RDH8: variants seen among roughly 807,000 people sequenced by gnomAD.
The protein encoded by RDH8 is photoreceptor outer segment all-trans retinol dehydrogenase.
In RDH8, 14 loss-of-function variants were observed where a neutral mutation model predicts 22.3. That is an observed-to-expected ratio of 0.63 (90% CI 0.42 to 0.98). The LOEUF (loss-of-function observed/expected upper bound fraction) is 0.98. Among genes scored for constraint, RDH8 ranks in the 50% least tolerant of loss-of-function variants. RDH8 has a pLI of 0.00. For missense variants in RDH8, 389 were observed against 409.8 expected, an observed-to-expected ratio of 0.95 and a Z score of 0.44; for synonymous variants, 175 against 171.7, an observed-to-expected ratio of 1.02 and a Z score of -0.15.
intron 1 of RDH8, 59 bp from the exon 2 acceptor site, chr19:10,016,998 G>T: frequency 7.0e-7 from 1 of 1,425,256 alleles, no homozygotes; most frequent in Non-Finnish European, 9.3e-7. Context: ...GACACGTGGC[G>T]CCCACACCAA....
In RDH8 at chr19:10,013,511, C is replaced by A; in HGVS notation, c.14C>A (p.Pro5His). Residue 5 changes from proline to histidine, a missense_variant, in exon 1 of 6, where the codon CCC becomes CAC. By Grantham distance (77) the Pro-to-His change is moderately conservative. Transcript: ENST00000591589. Reference protein sequence around the residue: MAAAPRTVLISGCSS... With the variant: MAAAHRTVLISGCSS... ...GAGGGGATCAACATGGCCGCTGCAC[C>A]CCGGACTGTGTTGATCTCCGGCTGC... 1 of 1,613,434 alleles carries A rather than the reference C, an allele frequency of 6.2e-7. No individual in the cohort carries two copies. Among genetic ancestry groups the A allele is most frequent in the Non-Finnish European group, 8.5e-7 (1 of 1,180,020 alleles).
chr19:10,021,362 A>C lies in RDH8; in HGVS notation c.644A>C (p.Tyr215Ser). 6.2e-7 allele frequency: 1 copy of C among 1,613,846 alleles called. No individual in the cohort carries two copies. The highest frequency in any genetic ancestry group is 8.5e-7 in the Non-Finnish European group (1 of 1,179,936). Residue 215 changes from tyrosine (Y) to serine (S), a missense_variant, in exon 5 of 6, where the codon TAC becomes TCC. By Grantham distance (144) the Tyr-to-Ser change is moderately radical. Transcript: ENST00000591589. ...FPGTDPETLH[Y>S]FRDLYLPASR... ...GGCACTGACCCTGAGACCCTGCACT[A>C]CTTCCGGGACCTCTATCTCCCAGCC... is the stretch of plus-strand genomic sequence containing the variant.
chr19:10,020,911 C>A, intron 4 of RDH8, 109 bp downstream of exon 4: 2 of 806,926 alleles, frequency 2.5e-6, no homozygotes, highest in Non-Finnish European at 4.1e-6. Flanking sequence ...GTGGCTCACA[C>A]CTGTAAGTCC....
Position 10,015,421 on chromosome 19 carries a change from C to T in RDH8, c.104-1636C>T, listed in dbSNP as rs564823401. Among the ~76,000 whole-genome samples, 265 of 151,936 alleles carry T rather than the reference C, an allele frequency of 1.7e-3. 1 individual carries two copies. The highest frequency in any genetic ancestry group is 6.3e-3 in the African/African-American group (259 of 41,434). Reference sequence around the variant, plus strand: ...TGAGTCGAGATCATGCCACTGCACTCCAGCCTAAGCGACAGAGCATGACTC... The same window carrying T: ...TGAGTCGAGATCATGCCACTGCACTTCAGCCTAAGCGACAGAGCATGACTC... On this transcript the variant is annotated intron_variant, in intron 1 of 5. Transcript: ENST00000591589.
At chr19:10,016,892 C>T (rs79966075) in intron 1 of RDH8, among the ~76,000 whole-genome samples, 165 bp from the exon 2 acceptor site, 16,379 of 152,134 alleles carry the variant, frequency 0.11, 1,172 homozygotes, top group South Asian at 0.15. Flanking sequence ...CGTGGAGATG[C>T]GTGTACACAA....
Position 10,013,620 on chromosome 19 carries a change from A to T in RDH8, c.103+20A>T. 6.2e-7 allele frequency: 1 copy of T among 1,613,542 alleles called. No homozygotes were observed. Among genetic ancestry groups the T allele is most frequent in the Non-Finnish European group, 8.5e-7 (1 of 1,179,936 alleles). On this transcript the variant is annotated intron_variant, in intron 1 of 5. Coordinates refer to ENST00000591589, the MANE Select transcript of RDH8 (RefSeq NM_015725.4). ...ACCAGGGTAAGAAGTGCAGGGTGGCACTAGGAGGCAGCCGGGTGGAAACGG... is the reference window on the plus strand; with the variant it reads ...ACCAGGGTAAGAAGTGCAGGGTGGCTCTAGGAGGCAGCCGGGTGGAAACGG...
At chr19:10,018,495 A>T (rs2087635689) in intron 2 of RDH8, among the ~76,000 whole-genome samples, 1 of 152,136 alleles carries the variant, frequency 6.6e-6, no homozygotes. Flanking sequence ...TGAATTGCTC[A>T]TGGATTAAGG....
At chr19:10,019,349 A>G (rs947840144) in intron 3 of RDH8, among the ~76,000 whole-genome samples, 2 of 152,034 alleles carry the variant, frequency 1.3e-5, no homozygotes, top group African/African-American at 4.8e-5. Context: ...TTGTGTTCAG[A>G]AGGATTCTGA....
At position 10,017,151 on chromosome 19, in the gene RDH8, C is replaced by T. The variant is rs753580799; in HGVS notation, c.198C>T (p.Asp66=). ...LGQTLTVAQL[D]VCSDESVAQC... is the part of the protein sequence containing the mutation. Reference sequence around the variant, plus strand: ...AGACCCTCACCGTGGCCCAGCTGGACGTGTGCAGTGATGAGTCGGTGGCCC... The same window carrying T: ...AGACCCTCACCGTGGCCCAGCTGGATGTGTGCAGTGATGAGTCGGTGGCCC... The change falls in exon 2 of 6, where the codon GAC becomes GAT. Residue 66 remains aspartate, a synonymous_variant. Coordinates refer to ENST00000591589, the MANE Select transcript of RDH8 (RefSeq NM_015725.4). 6 of 1,611,596 alleles carry T rather than the reference C, an allele frequency of 3.7e-6. No homozygotes were observed. The highest frequency in any genetic ancestry group is 1.7e-5 in the Admixed American group (1 of 59,856).
intron 2 of RDH8, among the ~76,000 whole-genome samples, 166 bp downstream of exon 2, chr19:10,017,381 C>A (rs371842611): frequency 6.6e-6 from 1 of 152,258 alleles, no homozygotes; most frequent in Non-Finnish European, 1.5e-5. Flanking sequence ...TTGGTCCTAC[C>A]AATTGATTTA....
At chr19:10,015,002 G>A (rs147427954) in intron 1 of RDH8, among the ~76,000 whole-genome samples, 119 of 152,256 alleles carry the variant, frequency 7.8e-4, no homozygotes, top group African/African-American at 2.6e-3. Context: ...CCCCATTCAC[G>A]TGCCTGCTAC....
At chr19:10,019,841 AAAC>A (rs1262690231) in intron 3 of RDH8, among the ~76,000 whole-genome samples, 2 of 96,094 alleles carry the variant, frequency 2.1e-5, no homozygotes, top group East Asian at 3.2e-4. Flanking sequence ...AACAAACAAA[AAAC>A]AACAACAAAA....
At chr19:10,019,837 C>CAAACAAAA (rs1200800253) in intron 3 of RDH8, among the ~76,000 whole-genome samples, 1 of 151,192 alleles carries the variant, frequency 6.6e-6, no homozygotes, top group South Asian at 2.1e-4. Context: ...AACAAACAAA[C>CAAACAAAA]AAAAAACAAC....
chr19:10,021,247 G>T lies in RDH8; in HGVS notation c.537-8G>T, dbSNP rs1475507539. ...ATCAGACTTACACTACCCATGCCTG[G>T]TCGCCAGCATCTCCCTGGTGGAGCC... On this transcript the variant is annotated splice_region_variant and splice_polypyrimidine_tract_variant and intron_variant, in intron 4 of 5. Coordinates refer to ENST00000591589, the MANE Select transcript of RDH8 (RefSeq NM_015725.4). 1.2e-6 allele frequency: 2 copies of T among 1,613,982 alleles called. No individual in the cohort carries two copies. The highest frequency in any genetic ancestry group is 2.2e-5 in the South Asian group (2 of 91,064).
At chr19:10,019,841 A>AAAC in intron 3 of RDH8, among the ~76,000 whole-genome samples, 1 of 96,094 alleles carries the variant, frequency 1.0e-5, no homozygotes. Context: ...AACAAACAAA[A>AAAC]AACAACAACA....
intron 5 of RDH8, 40 bp downstream of exon 5, chr19:10,021,478 A>G: frequency 6.2e-7 from 1 of 1,613,830 alleles, no homozygotes; most frequent in Non-Finnish European, 8.5e-7. Flanking sequence ...TGGCTCAGGT[A>G]TGTTGCGGGG....
chr19:10,021,384 A>G lies in RDH8; in HGVS notation c.666A>G (p.Pro222=). Residue 222 remains proline (P), a synonymous_variant, in exon 5 of 6, where the codon CCA becomes CCG. Coordinates refer to ENST00000591589, the MANE Select transcript of RDH8 (RefSeq NM_015725.4). ...TLHYFRDLYL[P]ASRKLFCSVG... is the part of the protein sequence containing the mutation. ...ACTACTTCCGGGACCTCTATCTCCC[A>G]GCCTCCAGGAAGCTGTTTTGCTCCG... The G allele has an allele frequency of 1.2e-6, 2 of 1,614,056 alleles. No individual in the cohort carries two copies. Among genetic ancestry groups the G allele is most frequent in the Non-Finnish European group, 1.7e-6 (2 of 1,180,010 alleles).
chr19:10,017,521 T>C (rs1275956559), intron 2 of RDH8, among the ~76,000 whole-genome samples: 1 of 152,204 alleles, frequency 6.6e-6, no homozygotes, highest in African/African-American at 2.4e-5. Context: ...TAGCCAGTCA[T>C]AGTGGTGCAT....
At chr19:10,016,937 G>A (rs2087622903) in intron 1 of RDH8, 120 bp from the exon 2 acceptor site, 1 of 1,086,574 alleles carries the variant, frequency 9.2e-7, no homozygotes, top group Non-Finnish European at 1.3e-6. Context: ...AAATGTAGGT[G>A]TGTAAACTTG....
Sources: allele counts gnomAD v4.1 joint callset (sites outside exome capture counted in the v4.1 genomes callset), GRCh38; gene constraint gnomAD v4.1.1; transcripts MANE v1.5; gene names NCBI Gene and HGNC (gene_info 2026-07-23, HGNC 2026-07-21).